The following FREM2 variants were observed in gnomAD, a reference collection of about 807,000 sequenced individuals.
FREM2 encodes FRAS1 related extracellular matrix 2, also known as FRAS1-related extracellular matrix protein 2.
Under a neutral mutation model 219.9 loss-of-function variants are expected in FREM2, and 119 were observed. The ratio of observed to expected loss-of-function variants is 0.54; its 90% CI spans 0.47 to 0.63. The LOEUF (loss-of-function observed/expected upper bound fraction) is 0.63, where lower values mean the gene tolerates loss of function less well. FREM2 is among the 30% of genes least tolerant of loss of function. FREM2 has a pLI of 0.00. For synonymous variants in FREM2, 1,562 were observed against 1,522.8 expected (o/e 1.03, Z -0.60); for missense variants, 4,030 against 3,993.6 (o/e 1.01, Z -0.25).
chr13:38,729,629 G>T (rs778297287), intron 2 of FREM2, among the ~76,000 whole-genome samples: 3 of 151,920 alleles, frequency 2.0e-5, no homozygotes, highest in Non-Finnish European at 4.4e-5. Context: ...CATGATATTC[G>T]TTTGTGAGTG....
At chr13:38,765,155 C>T (rs542043929) in intron 3 of FREM2, among the ~76,000 whole-genome samples, 1 of 152,266 alleles carries the variant, frequency 6.6e-6, no homozygotes, top group African/African-American at 2.4e-5. Flanking sequence ...CGTAATCTGC[C>T]CACCTCGGCC....
chr13:38,787,730 A>C (rs1874387297), intron 6 of FREM2, among the ~76,000 whole-genome samples: 1 of 149,696 alleles, frequency 6.7e-6, no homozygotes, highest in Non-Finnish European at 1.5e-5. Flanking sequence ...TAAGTTTATT[A>C]TTGTTATTTA....
At position 38,784,569 on chromosome 13, in the gene FREM2, G is replaced by T; in HGVS notation, c.5780G>T (p.Gly1927Val). 6.2e-7 allele frequency: 1 copy of T among 1,614,152 alleles called. No homozygotes were observed. Among genetic ancestry groups the T allele is most frequent in the South Asian group, 1.1e-5 (1 of 91,080 alleles). Residue 1927 changes from glycine (G) to valine (V), a missense_variant, in exon 6 of 24, where the codon GGA becomes GTA. Physicochemically the swap from Gly to Val is moderately radical, Grantham distance 109 (BLOSUM62 -3). Transcript: ENST00000280481. ...TCTCTGCTTCCAGGAACAGCAACTG[G>T]AACTGTGCCGACTTCCGTGTTGTCT... The part of the protein sequence containing the change: ...VCYTQQGTAT[G>V]TVPTSVLSYS...
intron 6 of FREM2, among the ~76,000 whole-genome samples, chr13:38,796,608 A>G (rs944705963): frequency 1.3e-5 from 2 of 151,962 alleles, no homozygotes; most frequent in Admixed American, 1.3e-4. Flanking sequence ...TTCTGTGAAT[A>G]TAATGCACTT....
chr13:38,754,863 A>C (rs993191961), intron 2 of FREM2, among the ~76,000 whole-genome samples: 1 of 104,288 alleles, frequency 9.6e-6, no homozygotes, highest in Non-Finnish European at 2.0e-5. Context: ...GGTCAAGATG[A>C]TGATGATGAT....
intron 2 of FREM2, among the ~76,000 whole-genome samples, chr13:38,720,038 G>A (rs1166658497): frequency 6.6e-6 from 1 of 152,100 alleles, no homozygotes; most frequent in East Asian, 1.9e-4. Context: ...AGTACACAAG[G>A]AATATTTTAG....
At chr13:38,872,242 G>A (rs568194503) in intron 16 of FREM2, among the ~76,000 whole-genome samples, 1 of 152,268 alleles carries the variant, frequency 6.6e-6, no homozygotes, top group African/African-American at 2.4e-5. Context: ...AAATGTCCAG[G>A]ATAGACAAAT....
intron 7 of FREM2, among the ~76,000 whole-genome samples, chr13:38,847,757 T>G (rs1877217969): frequency 6.6e-6 from 1 of 152,136 alleles, no homozygotes; most frequent in African/African-American, 2.4e-5. Context: ...AGAAGAAATA[T>G]TATCGATCTG....
At chr13:38,718,558 A>G (rs1871100425) in intron 2 of FREM2, among the ~76,000 whole-genome samples, 2 of 152,192 alleles carry the variant, frequency 1.3e-5, no homozygotes, top group East Asian at 3.8e-4. Flanking sequence ...TCAGAAGTCA[A>G]TTTACATCCT....
At chr13:38,793,392 A>G (rs1429946563) in intron 6 of FREM2, among the ~76,000 whole-genome samples, 1 of 152,180 alleles carries the variant, frequency 6.6e-6, no homozygotes, top group African/African-American at 2.4e-5. Flanking sequence ...CCCAGTGAAG[A>G]GAGAAGGAAA....
chr13:38,875,354 G>GAGAAT (rs1878306644), intron 18 of FREM2, among the ~76,000 whole-genome samples: 1 of 152,072 alleles, frequency 6.6e-6, no homozygotes, highest in Non-Finnish European at 1.5e-5. Context: ...TCTAACAAAA[G>GAGAAT]AGAATAGGGC....
intron 6 of FREM2, among the ~76,000 whole-genome samples, chr13:38,829,963 A>C (rs1876441620): frequency 6.6e-6 from 1 of 152,100 alleles, no homozygotes; most frequent in African/African-American, 2.4e-5. Context: ...TTCTCAAACA[A>C]TTGTACTTAT....
chr13:38,868,197 C>T (rs1878037526), intron 16 of FREM2, among the ~76,000 whole-genome samples: 2 of 152,136 alleles, frequency 1.3e-5, no homozygotes, highest in African/African-American at 4.8e-5. Flanking sequence ...GAAATTCAAC[C>T]CTCTGAGATA....
intron 2 of FREM2, among the ~76,000 whole-genome samples, chr13:38,712,041 C>T (rs1030634744): frequency 4.1e-4 from 62 of 151,640 alleles, no homozygotes; most frequent in African/African-American, 1.5e-3. Flanking sequence ...CTGCCTCAGC[C>T]TCCCTAATAG....
chr13:38,786,676 T>A (rs747787623), intron 6 of FREM2, among the ~76,000 whole-genome samples: 4 of 151,148 alleles, frequency 2.6e-5, no homozygotes, highest in East Asian at 2.0e-4. Context: ...GTTCAGTTTG[T>A]TTTTTTTGGC....
chr13:38,749,480 G>C (rs919325821), intron 2 of FREM2, among the ~76,000 whole-genome samples: 1 of 152,086 alleles, frequency 6.6e-6, no homozygotes, highest in Non-Finnish European at 1.5e-5. Context: ...GTTCATGTTA[G>C]GTTATAAATG....
At chr13:38,826,640 A>C (rs1194797969) in intron 6 of FREM2, among the ~76,000 whole-genome samples, 1 of 152,080 alleles carries the variant, frequency 6.6e-6, no homozygotes, top group Non-Finnish European at 1.5e-5. Context: ...ACATGCTTTT[A>C]TTCCTGAGAC....
intron 4 of FREM2, among the ~76,000 whole-genome samples, chr13:38,774,574 G>A (rs751765703): frequency 8.5e-5 from 13 of 152,122 alleles, no homozygotes; most frequent in Admixed American, 5.9e-4. Flanking sequence ...CTTAACCTCC[G>A]TGTATTAAGT....
At chr13:38,798,143 G>C (rs1874865850) in intron 6 of FREM2, among the ~76,000 whole-genome samples, 2 of 151,934 alleles carry the variant, frequency 1.3e-5, no homozygotes, top group Admixed American at 1.3e-4. Context: ...TTTGAAGTAA[G>C]TTTCTTCTAT....
Sources: allele counts gnomAD v4.1 joint callset (sites outside exome capture counted in the v4.1 genomes callset), GRCh38; gene constraint gnomAD v4.1.1; transcripts MANE v1.5; gene names NCBI Gene and HGNC (gene_info 2026-07-23, HGNC 2026-07-21).